The following SCAPER variants were observed in gnomAD, a reference collection of about 807,000 sequenced individuals.
SCAPER encodes S phase cyclin A-associated protein in the endoplasmic reticulum.
SCAPER carries 98 observed loss-of-function variants against 182.2 expected under a neutral mutation model. That is an observed-to-expected ratio of 0.54 (90% CI 0.46 to 0.64). The LOEUF is 0.64. SCAPER is among the 30% of genes least tolerant of loss of function. The pLI is 0.00. For synonymous variants in SCAPER, 605 were observed against 564.6 expected, an observed-to-expected ratio of 1.07 and a Z score of -1.01; for missense variants, 1,432 against 1,690.0, an observed-to-expected ratio of 0.85 and a Z score of 2.68.
chr15:76,711,298 G>A (rs1239810345), intron 17 of SCAPER, among the ~76,000 whole-genome samples: 2 of 152,096 alleles, frequency 1.3e-5, no homozygotes, highest in Non-Finnish European at 1.5e-5. Context: ...CACAAAGAAT[G>A]TATATCCAGA....
chr15:76,464,451 T>C (rs1314262355), intron 25 of SCAPER, among the ~76,000 whole-genome samples: 4 of 152,060 alleles, frequency 2.6e-5, no homozygotes, highest in African/African-American at 9.7e-5. Flanking sequence ...TATTCTCAAG[T>C]CCTGCAGTCA....
At chr15:76,504,995 A>G (rs1276082351) in intron 23 of SCAPER, 21 bp from the exon 24 acceptor site, 2 of 1,584,056 alleles carry the variant, frequency 1.3e-6, no homozygotes, top group South Asian at 2.3e-5. Flanking sequence ...ATACAAACAG[A>G]AGTTAGCCCA....
intron 20 of SCAPER, among the ~76,000 whole-genome samples, chr15:76,696,437 G>T (rs2058659087): frequency 2.0e-5 from 3 of 152,088 alleles, no homozygotes; most frequent in African/African-American, 7.2e-5. Flanking sequence ...GATCCTTCAT[G>T]AAGGTCCCAT....
intron 17 of SCAPER, among the ~76,000 whole-genome samples, chr15:76,707,124 A>G (rs1187762375): frequency 2.0e-5 from 3 of 152,086 alleles, no homozygotes; most frequent in African/African-American, 7.2e-5. Flanking sequence ...CTATAATCCA[A>G]AAAGCAACTA....
chr15:76,655,522 G>A (rs1435299840), intron 21 of SCAPER, among the ~76,000 whole-genome samples: 1 of 152,072 alleles, frequency 6.6e-6, no homozygotes, highest in Non-Finnish European at 1.5e-5. Flanking sequence ...GATAACATTC[G>A]AATTCAAGAA....
intron 2 of SCAPER, among the ~76,000 whole-genome samples, chr15:76,865,001 A>G (rs1320905202): frequency 6.6e-6 from 1 of 152,234 alleles, no homozygotes; most frequent in Non-Finnish European, 1.5e-5. Flanking sequence ...TGTATTTTAT[A>G]TATGTAAGGA....
chr15:76,854,376 A>G (rs2071104750), intron 4 of SCAPER, among the ~76,000 whole-genome samples: 1 of 152,200 alleles, frequency 6.6e-6, no homozygotes, highest in South Asian at 2.1e-4. Context: ...AAAAAAGAAT[A>G]AAATACCTAG....
At chr15:76,880,081 G>T (rs2073435632) in intron 2 of SCAPER, among the ~76,000 whole-genome samples, 1 of 152,184 alleles carries the variant, frequency 6.6e-6, no homozygotes, top group Non-Finnish European at 1.5e-5. Context: ...ACTTAGGTTT[G>T]CCCCGCTAAG....
chr15:76,372,946 C>T (rs1357794221), intron 29 of SCAPER, among the ~76,000 whole-genome samples: 1 of 152,202 alleles, frequency 6.6e-6, no homozygotes, highest in Non-Finnish European at 1.5e-5. Context: ...AAAATGTTAA[C>T]AGTGGCTATC....
chr15:76,503,056 GAAAAC>G (rs139731777), intron 24 of SCAPER, among the ~76,000 whole-genome samples: 58,667 of 151,010 alleles, frequency 0.39, 13,023 homozygotes, highest in Middle Eastern at 0.52. Context: ...AAGCCTACCA[GAAAAC>G]AAAACAAAAC....
At chr15:76,512,432 G>A (rs2042119498) in intron 23 of SCAPER, among the ~76,000 whole-genome samples, 1 of 151,862 alleles carries the variant, frequency 6.6e-6, no homozygotes, top group Admixed American at 6.6e-5. Flanking sequence ...TTAGTGTAAA[G>A]CCTTTAGGTA....
At chr15:76,781,539 T>C (rs1214689109) in intron 8 of SCAPER, among the ~76,000 whole-genome samples, 2 of 152,046 alleles carry the variant, frequency 1.3e-5, no homozygotes, top group Admixed American at 6.6e-5. Flanking sequence ...CTACAGAGAA[T>C]ACCATGAACA....
intron 22 of SCAPER, among the ~76,000 whole-genome samples, chr15:76,599,031 T>C (rs1241663063): frequency 8.4e-6 from 1 of 118,658 alleles, no homozygotes; most frequent in African/African-American, 2.6e-5. Flanking sequence ...TTTAAAAAAA[T>C]AATAAAAATA....
At chr15:76,407,984 CA>C (rs1266419333) in intron 26 of SCAPER, among the ~76,000 whole-genome samples, 1 of 151,864 alleles carries the variant, frequency 6.6e-6, no homozygotes, top group Non-Finnish European at 1.5e-5. Context: ...TTAAAAAAAA[CA>C]AAACCACAAC....
chr15:76,438,833 TG>T (rs1334442952), intron 25 of SCAPER, among the ~76,000 whole-genome samples: 1 of 152,206 alleles, frequency 6.6e-6, no homozygotes, highest in Non-Finnish European at 1.5e-5. Flanking sequence ...TCATTTAGAT[TG>T]GCCCTTTCAT....
intron 26 of SCAPER, among the ~76,000 whole-genome samples, chr15:76,416,264 C>G (rs2045638055): frequency 6.7e-6 from 1 of 150,356 alleles, no homozygotes; most frequent in Non-Finnish European, 1.5e-5. Context: ...CACTAGAGGT[C>G]AGGAGTTCAA....
At chr15:76,504,815 C>T (rs1567295028) in intron 24 of SCAPER, 44 bp downstream of exon 24, 1 of 1,477,198 alleles carries the variant, frequency 6.8e-7, no homozygotes, top group Admixed American at 2.2e-5. Context: ...GCAGAAATGA[C>T]TCACAAATGA....
intron 22 of SCAPER, among the ~76,000 whole-genome samples, chr15:76,582,022 C>T (rs143625290): frequency 1.4e-3 from 216 of 152,202 alleles, no homozygotes; most frequent in African/African-American, 5.1e-3. Context: ...CAGAGAAATG[C>T]TAAAAGCCTT....
intron 24 of SCAPER, among the ~76,000 whole-genome samples, chr15:76,492,632 A>G (rs1431732977): frequency 2.0e-5 from 3 of 152,222 alleles, no homozygotes; most frequent in Non-Finnish European, 4.4e-5. Flanking sequence ...TTTCAGTGAT[A>G]AAACTAGAAG....
Sources: allele counts gnomAD v4.1 joint callset (sites outside exome capture counted in the v4.1 genomes callset), GRCh38; gene constraint gnomAD v4.1.1; transcripts MANE v1.5; gene names NCBI Gene and HGNC (gene_info 2026-07-23, HGNC 2026-07-21).